COL27A1: variants seen among roughly 807,000 people sequenced by gnomAD.
The protein encoded by COL27A1 is collagen alpha-1(XXVII) chain.
Under a neutral mutation model 251.3 loss-of-function variants are expected in COL27A1, and 106 were observed. The ratio of observed to expected loss-of-function variants is 0.42; its 90% confidence interval spans 0.36 to 0.50. COL27A1 has a LOEUF of 0.50. COL27A1 is among the 20% of genes least tolerant of loss of function. COL27A1 has a pLI of 0.00. For missense variants in COL27A1, 2,325 were observed against 2,522.8 expected (o/e 0.92, Z 1.68); for synonymous variants, 1,000 against 986.3 (o/e 1.01, Z -0.26).
Position 114,222,216 on chromosome 9 carries a change from T to A in COL27A1, c.2422-7T>A. 1 of 1,613,582 alleles carries A rather than the reference T, an allele frequency of 6.2e-7. No individual in the cohort carries two copies. Among genetic ancestry groups the A allele is most frequent in the Non-Finnish European group, 8.5e-7 (1 of 1,179,546 alleles). On this transcript the variant is annotated splice_polypyrimidine_tract_variant and splice_region_variant and intron_variant, in intron 13 of 60. Transcript: ENST00000356083. ...AAGTAACCACCTTGGTCTCTCTCTA[T>A]CTGCAGGGAGAACTGGGCCTGCCAG...
intron 1 of COL27A1, among the ~76,000 whole-genome samples, 163 bp downstream of exon 1, chr9:114,156,175 C>T (rs955247567): frequency 5.3e-5 from 8 of 151,994 alleles, no homozygotes; most frequent in East Asian, 2.0e-4. Context: ...AGGGGCTGCG[C>T]CCCCGGCCGG....
intron 4 of COL27A1, among the ~76,000 whole-genome samples, chr9:114,182,729 G>A (rs1828027750): frequency 6.6e-6 from 1 of 152,142 alleles, no homozygotes; most frequent in African/African-American, 2.4e-5. Context: ...AGACAGTTAC[G>A]AACCTCTGTG....
intron 28 of COL27A1, 106 bp from the exon 29 acceptor site, chr9:114,264,249 C>T (rs1388990508): frequency 2.4e-6 from 2 of 820,584 alleles, no homozygotes; most frequent in Non-Finnish European, 3.6e-6. Context: ...GGGGCCGGAG[C>T]TTGTGCAGGG....
At chr9:114,302,323 C>T (rs1335858507) in intron 56 of COL27A1, among the ~76,000 whole-genome samples, 5 of 152,182 alleles carry the variant, frequency 3.3e-5, no homozygotes, top group Non-Finnish European at 7.4e-5. Flanking sequence ...TTTGAGTTGC[C>T]TCTGACTGAA....
upstream of COL27A1, among the ~76,000 whole-genome samples, chr9:114,155,188 T>TG (rs1460365131): frequency 6.6e-6 from 1 of 152,026 alleles, no homozygotes; most frequent in Non-Finnish European, 1.5e-5. This position sits in a 1 kb window ranked among gnomAD's most constrained non-coding sequence, Gnocchi z 5.5. Flanking sequence ...CCTGAAACTG[T>TG]GGGTTTCTTC....
At position 114,237,653 on chromosome 9, in the gene COL27A1, C is replaced by T; in HGVS notation, c.2674-9C>T. On this transcript the variant is annotated splice_polypyrimidine_tract_variant and intron_variant, in intron 18 of 60. Coordinates refer to ENST00000356083, the MANE Select transcript of COL27A1 (RefSeq NM_032888.4). Reference sequence around the variant, plus strand: ...CCCCTGCCTCCCTGCAACCTCTTCTCTTCCACAGGGCAAAGTCGGAGACAA... The same window carrying T: ...CCCCTGCCTCCCTGCAACCTCTTCTTTTCCACAGGGCAAAGTCGGAGACAA... The T allele has an allele frequency of 6.2e-7, 1 of 1,614,032 alleles. No homozygotes were observed. The highest frequency in any genetic ancestry group is 8.5e-7 in the Non-Finnish European group (1 of 1,179,868).
At chr9:114,241,302 C>T (rs527691144) in intron 21 of COL27A1, among the ~76,000 whole-genome samples, 3 of 152,354 alleles carry the variant, frequency 2.0e-5, no homozygotes, top group South Asian at 2.1e-4. Flanking sequence ...AGATTCACCG[C>T]GACCGCAGGC....
Position 114,231,135 on chromosome 9 carries a change from A to C in COL27A1, c.2520+3A>C. 6.2e-7 allele frequency: 1 copy of C among 1,613,312 alleles called. No homozygotes were observed. The highest frequency in any genetic ancestry group is 2.2e-5 in the East Asian group (1 of 44,872). ...ACCCGGGACCCAAGGGCATGAAGGT[A>C]AGCAAGGGATGTTCCCCCGATTCAG... On this transcript the variant is annotated splice_donor_region_variant and intron_variant, in intron 15 of 60. Coordinates refer to ENST00000356083, the MANE Select transcript of COL27A1 (RefSeq NM_032888.4).
intron 28 of COL27A1, among the ~76,000 whole-genome samples, chr9:114,263,268 A>AT (rs906632191): frequency 3.3e-5 from 5 of 151,892 alleles, no homozygotes; most frequent in African/African-American, 1.2e-4. Context: ...TCCTTGTTTG[A>AT]TTTTTAAATG....
chr9:114,204,392 C>G (rs1191164526), intron 7 of COL27A1, among the ~76,000 whole-genome samples: 2 of 152,170 alleles, frequency 1.3e-5, no homozygotes, highest in Non-Finnish European at 2.9e-5. Context: ...GGTGATTATA[C>G]CTGGTGCCAC....
intron 14 of COL27A1, among the ~76,000 whole-genome samples, chr9:114,228,033 G>T (rs1470933544): frequency 6.6e-6 from 1 of 152,178 alleles, no homozygotes; most frequent in Non-Finnish European, 1.5e-5. Flanking sequence ...GCAGGCAGGG[G>T]TCTCTCTTCC....
rs775541428 is a variant in COL27A1 at position 114,168,678 on chromosome 9, C to G, written c.1123C>G (p.Pro375Ala). The change falls in exon 3 of 61, where the codon CCT becomes GCT. Residue 375 changes from proline (P) to alanine (A), a missense_variant. Transcript: ENST00000356083. ...PKSLPTKPSAPSTSIVPIKSP... is the reference protein window; with the variant it reads ...PKSLPTKPSAASTSIVPIKSP... ...AAGCCTCCCTACCAAGCCTTCGGCCCCTTCTACTTCAATTGTGCCCATCAA... is the reference window on the plus strand; with the variant it reads ...AAGCCTCCCTACCAAGCCTTCGGCCGCTTCTACTTCAATTGTGCCCATCAA... The G allele has an allele frequency of 6.2e-6, 10 of 1,614,012 alleles. No individual in the cohort carries two copies. In the East Asian group the frequency reaches 1.6e-4, roughly 25 times the overall value.
intron 17 of COL27A1, among the ~76,000 whole-genome samples, chr9:114,235,943 C>T (rs1165672220): frequency 1.3e-5 from 2 of 152,142 alleles, no homozygotes; most frequent in East Asian, 1.9e-4. Context: ...GCTCACACAC[C>T]GTCCATGGCT....
At chr9:114,176,571 C>T (rs73560580) in intron 3 of COL27A1, among the ~76,000 whole-genome samples, 2,524 of 152,086 alleles carry the variant, frequency 0.017, 84 homozygotes, top group African/African-American at 0.058. Context: ...AACCCAGGCC[C>T]GTGGTGTTAC....
At chr9:114,262,059 G>A (rs907051362) in intron 28 of COL27A1, among the ~76,000 whole-genome samples, 3 of 152,290 alleles carry the variant, frequency 2.0e-5, no homozygotes, top group East Asian at 1.9e-4. Flanking sequence ...CTAGGGAGGT[G>A]TATGTCTCAG....
At chr9:114,183,911 G>A (rs765464623) in intron 5 of COL27A1, among the ~76,000 whole-genome samples, 1 of 152,184 alleles carries the variant, frequency 6.6e-6, no homozygotes, top group Non-Finnish European at 1.5e-5. Flanking sequence ...GAGCTCTTCA[G>A]TCTGTTCCCG....
At chr9:114,178,431 G>T (rs1285058617) in intron 4 of COL27A1, 87 bp downstream of exon 4, 53 of 1,225,834 alleles carry the variant, frequency 4.3e-5, no homozygotes, top group Non-Finnish European at 6.4e-5. Flanking sequence ...TTTGCTGTGT[G>T]TCCTCAGGTT....
At position 114,252,910 on chromosome 9, in the gene COL27A1, C is replaced by G; in HGVS notation, c.3119C>G (p.Thr1040Ser). Residue 1040 changes from threonine (T) to serine (S), a missense_variant, in exon 27 of 61, where the codon ACC (threonine) becomes AGC (serine). Transcript: ENST00000356083. Reference protein sequence around the residue: ...GHPGMPGGMGTPGEPGPQGPP... With the variant: ...GHPGMPGGMGSPGEPGPQGPP... ...CCTGGAATGCCAGGTGGTATGGGGACCCCTGGAGAGCCTGGACCCCAGGTA... is the reference window on the plus strand; with the variant it reads ...CCTGGAATGCCAGGTGGTATGGGGAGCCCTGGAGAGCCTGGACCCCAGGTA... 6.2e-7 allele frequency: 1 copy of G among 1,613,766 alleles called. No individual in the cohort carries two copies. Among genetic ancestry groups the G allele is most frequent in the Non-Finnish European group, 8.5e-7 (1 of 1,179,756 alleles).
intron 13 of COL27A1, 99 bp downstream of exon 13, chr9:114,219,943 A>G: frequency 1.1e-6 from 1 of 899,198 alleles, no homozygotes; most frequent in South Asian, 1.4e-5. Context: ...ACCTGGGTCA[A>G]ATCCCAGCCC....
Sources: allele counts gnomAD v4.1 joint callset (sites outside exome capture counted in the v4.1 genomes callset), GRCh38; gene constraint gnomAD v4.1.1; non-coding constraint Gnocchi (gnomAD v3.1); transcripts MANE v1.5; gene names NCBI Gene and HGNC (gene_info 2026-07-23, HGNC 2026-07-21).